ZBTB38: variants seen among roughly 807,000 people sequenced by gnomAD.
ZBTB38 encodes zinc finger and BTB domain-containing protein 38.
A neutral mutation model predicts 76.8 loss-of-function variants in ZBTB38; 20 were observed. The ratio of observed to expected loss-of-function variants is 0.26; its 90% CI spans 0.18 to 0.38. ZBTB38 has a LOEUF of 0.38. Among genes scored for constraint, ZBTB38 ranks in the 10% least tolerant of loss-of-function variants. The pLI, the probability that ZBTB38 is intolerant of heterozygous loss-of-function variation, is 1.00. For missense variants in ZBTB38, 1,082 were observed against 1,482.3 expected, an observed-to-expected ratio of 0.73 and a Z score of 4.43; for synonymous variants, 504 against 544.2, an observed-to-expected ratio of 0.93 and a Z score of 1.03.
chr3:141,418,650 T>C (rs9845854), intron 5 of ZBTB38, among the ~76,000 whole-genome samples: 11,126 of 152,318 alleles, frequency 0.073, 1,378 homozygotes, highest in African/African-American at 0.25. Flanking sequence ...TACTGCATTA[T>C]ACCTCATCAG....
At chr3:141,358,728 C>T (rs1312928157) in intron 1 of ZBTB38, among the ~76,000 whole-genome samples, 1 of 152,128 alleles carries the variant, frequency 6.6e-6, no homozygotes, top group Non-Finnish European at 1.5e-5. Flanking sequence ...CTCCCTAAGC[C>T]CCTATCTCCA....
chr3:141,338,946 T>C (rs907670955), intron 1 of ZBTB38, among the ~76,000 whole-genome samples: 23 of 151,956 alleles, frequency 1.5e-4, no homozygotes, highest in Admixed American at 1.5e-3. Context: ...TGAACATCTT[T>C]TAGGGAACAT....
At chr3:141,409,333 A>G (rs1955827445) in intron 5 of ZBTB38, among the ~76,000 whole-genome samples, 1 of 152,166 alleles carries the variant, frequency 6.6e-6, no homozygotes, top group South Asian at 2.1e-4. Flanking sequence ...GACGTGAGCC[A>G]CCGTGCCCAT....
chr3:141,418,513 C>T (rs2074606777), intron 5 of ZBTB38, among the ~76,000 whole-genome samples: 1 of 152,234 alleles, frequency 6.6e-6, no homozygotes, highest in Non-Finnish European at 1.5e-5. Flanking sequence ...ATCATAGGAG[C>T]TGTCTGCACG....
At chr3:141,441,861 A>G (rs2080319354) in intron 5 of ZBTB38, among the ~76,000 whole-genome samples, 1 of 151,960 alleles carries the variant, frequency 6.6e-6, no homozygotes, top group African/African-American at 2.4e-5. Context: ...GGTTGCAGTG[A>G]GCGGAGACCA....
intron 1 of ZBTB38, among the ~76,000 whole-genome samples, chr3:141,348,211 A>G (rs1943419736): frequency 1.3e-5 from 2 of 152,248 alleles, no homozygotes; most frequent in South Asian, 4.1e-4. Context: ...TAATTTTACT[A>G]TATATGGTCA....
intron 5 of ZBTB38, among the ~76,000 whole-genome samples, chr3:141,411,056 T>C (rs1332203901): frequency 6.6e-6 from 1 of 152,158 alleles, no homozygotes; most frequent in African/African-American, 2.4e-5. Context: ...CTAGGCCCTG[T>C]TTTATTTATG....
chr3:141,327,933 A>T (rs1233760376), intron 1 of ZBTB38, among the ~76,000 whole-genome samples: 1 of 152,122 alleles, frequency 6.6e-6, no homozygotes, highest in Non-Finnish European at 1.5e-5. Flanking sequence ...TTTCCTGAAA[A>T]CCCTTGAGAA....
intron 4 of ZBTB38, among the ~76,000 whole-genome samples, chr3:141,400,543 T>C (rs867920656): frequency 1.3e-5 from 2 of 152,328 alleles, no homozygotes; most frequent in Middle Eastern, 3.4e-3. Flanking sequence ...TCACTCACCA[T>C]GTGACCCTGG....
At chr3:141,361,180 G>C (rs142105324) in intron 1 of ZBTB38, among the ~76,000 whole-genome samples, 55 of 152,280 alleles carry the variant, frequency 3.6e-4, no homozygotes, top group African/African-American at 1.3e-3. Flanking sequence ...TTACCACGAA[G>C]CATGAAGAGT....
intron 5 of ZBTB38, among the ~76,000 whole-genome samples, chr3:141,405,458 A>G (rs1954034560): frequency 6.6e-6 from 1 of 152,232 alleles, no homozygotes; most frequent in Admixed American, 6.5e-5. Context: ...TAATCCAAGA[A>G]AAAGCAGTTT....
chr3:141,389,086 T>G (rs565002815), intron 4 of ZBTB38: 1 of 152,288 alleles, frequency 6.6e-6, no homozygotes. Flanking sequence ...AGCCTACCCC[T>G]CCAATGACAA....
At chr3:141,426,532 G>A (rs1168441112) in intron 5 of ZBTB38, among the ~76,000 whole-genome samples, 1 of 152,180 alleles carries the variant, frequency 6.6e-6, no homozygotes, top group Admixed American at 6.5e-5. Context: ...AGAGGAGGCC[G>A]GGGGAGGGAG....
Position 141,442,984 on chromosome 3 carries a change from C to T in ZBTB38, c.596C>T (p.Ala199Val), listed in dbSNP as rs772484574. 1.2e-6 allele frequency: 2 copies of T among 1,614,248 alleles called. No individual in the cohort carries two copies. The highest frequency in any genetic ancestry group is 1.7e-6 in the Non-Finnish European group (2 of 1,180,040). The change falls in exon 6 of 6, where the codon GCT (alanine) becomes GTT (valine). Residue 199 changes from alanine (A) to valine (V), a missense_variant. By Grantham distance (64) the Ala-to-Val change is moderately conservative. Transcript: ENST00000321464. The surrounding 1 kb of genome is among the most constrained non-coding windows in gnomAD (Gnocchi z 6.4). ...AAGGTCTCCGACTCCATGAGAACAG[C>T]TAGCCTTTGCCTGGAGAGGACGGAC... Reference protein sequence around the residue: ...FKKVSDSMRTASLCLERTDVC... With the variant: ...FKKVSDSMRTVSLCLERTDVC...
rs2081351562 is a variant in ZBTB38 at position 141,449,607 on chromosome 3, T to C, written c.*3631T>C. 1 of 152,038 alleles carries C rather than the reference T, an allele frequency of 6.6e-6. No homozygotes were observed. The highest frequency in any genetic ancestry group is 6.6e-5 in the Admixed American group (1 of 15,266). The allele number at this position is 152,038 out of a possible 1,614,324, so 9.4% of individuals were successfully genotyped here. ...CAGTCCATCACCAACACAGAGAAAA[T>C]TACTGCCAGGCCTACCGGTGGCTGG... On this transcript the variant is annotated 3_prime_UTR_variant, in exon 6 of 6. Transcript: ENST00000321464.
At chr3:141,361,347 A>T (rs945664419) in intron 1 of ZBTB38, among the ~76,000 whole-genome samples, 7 of 152,216 alleles carry the variant, frequency 4.6e-5, no homozygotes, top group Non-Finnish European at 8.8e-5. Context: ...CGGAGCCTGC[A>T]GGACAACCAG....
chr3:141,449,444 T>C lies in ZBTB38; in HGVS notation c.*3468T>C, dbSNP rs1053583173. On this transcript the variant is annotated 3_prime_UTR_variant, in exon 6 of 6. Transcript: ENST00000321464. Reference sequence around the variant, plus strand: ...AAATTGTAATAGCATTATAAGCTGGTAATTTTCACACAAAGAAAAAAATAC... The same window carrying C: ...AAATTGTAATAGCATTATAAGCTGGCAATTTTCACACAAAGAAAAAAATAC... The C allele has an allele frequency of 2.6e-5, 4 of 152,220 alleles. No individual in the cohort carries two copies. The highest frequency in any genetic ancestry group is 7.2e-5 in the African/African-American group (3 of 41,468). 9.4% of individuals were successfully genotyped at this position (152,220 alleles called of 1,614,324 possible).
At chr3:141,400,658 C>T (rs1428269535) in intron 4 of ZBTB38, among the ~76,000 whole-genome samples, 2 of 152,200 alleles carry the variant, frequency 1.3e-5, no homozygotes, top group Non-Finnish European at 2.9e-5. Context: ...GAATACTTAA[C>T]TTCCAGTACT....
At chr3:141,420,232 A>C (rs905947868) in intron 5 of ZBTB38, among the ~76,000 whole-genome samples, 1 of 152,150 alleles carries the variant, frequency 6.6e-6, no homozygotes, top group African/African-American at 2.4e-5. Flanking sequence ...TGAGCTACTT[A>C]GGGAGAATGA....
Sources: gnomAD v4.1 joint callset for allele counts (sites outside exome capture counted in the v4.1 genomes callset) on GRCh38, gnomAD v4.1.1 for gene constraint, Gnocchi (gnomAD v3.1) non-coding constraint, MANE v1.5 for transcripts, NCBI Gene and HGNC (gene_info 2026-07-23, HGNC 2026-07-21) for gene names.